Variants in KBTBD4 observed in about 807,000 individuals in gnomAD.
KBTBD4 encodes kelch repeat and BTB domain-containing protein 4.
KBTBD4 carries 30 observed loss-of-function variants against 43.9 expected under a neutral mutation model. The observed-to-expected ratio is 0.68, with a 90% CI of 0.51 to 0.93. The LOEUF (loss-of-function observed/expected upper bound fraction) is 0.93. Among genes scored for constraint, KBTBD4 ranks in the 40% least tolerant of loss-of-function variants. The probability of loss-of-function intolerance (pLI) is 0.00; values close to 1 mark genes in which losing one functional copy is unlikely to be tolerated. For missense variants in KBTBD4, 575 were observed against 668.8 expected, an observed-to-expected ratio of 0.86 and a Z score of 1.55; for synonymous variants, 258 against 256.9, an observed-to-expected ratio of 1.00 and a Z score of -0.04.
chr11:47,573,516 A>C lies in KBTBD4; in HGVS notation c.1019T>G (p.Val340Gly). The change falls in exon 4 of 4, where the codon GTG (valine) becomes GGG (glycine). Residue 340 changes from valine to glycine, a missense_variant. Val to Gly is a moderately radical substitution (Grantham distance 109). Transcript: ENST00000430070. The surrounding 1 kb of genome is among the most constrained non-coding windows in gnomAD (Gnocchi z 4.1). The stretch of plus-strand genomic sequence containing the variant: ...TATGGCATCTTTCCCGGGCACAGAC[A>C]CCAGGGTGTGCTGGAGCCGGTCCCG... ...LPRDRLQHTLVSVPGKDAIYS... is the reference protein window; with the variant it reads ...LPRDRLQHTLGSVPGKDAIYS... 6.2e-7 allele frequency: 1 copy of C among 1,614,176 alleles called. No individual in the cohort carries two copies. The highest frequency in any genetic ancestry group is 8.5e-7 in the Non-Finnish European group (1 of 1,180,036).
intron 1 of KBTBD4, 155 bp downstream of exon 1, chr11:47,578,777 AG>A (rs1295708932): frequency 2.3e-5 from 35 of 1,516,658 alleles, no homozygotes; most frequent in Middle Eastern, 4.5e-4. Flanking sequence ...AGAGCGGGGG[AG>A]GGGTGTGTAG....
intron 2 of KBTBD4, chr11:47,576,593 C>T (rs1056857464): frequency 1.3e-5 from 2 of 151,866 alleles, no homozygotes; most frequent in Admixed American, 1.3e-4. Flanking sequence ...GAGTATGTGC[C>T]TTGCTTTTTT....
At chr11:47,574,638 T>A (rs2097255803) in intron 3 of KBTBD4, among the ~76,000 whole-genome samples, 1 of 151,632 alleles carries the variant, frequency 6.6e-6, no homozygotes, top group African/African-American at 2.4e-5. Context: ...GTGGATCACC[T>A]GAGGTCAGGA....
At chr11:47,578,229 G>A in intron 1 of KBTBD4, 1 of 598,340 alleles carries the variant, frequency 1.7e-6, no homozygotes, top group East Asian at 2.8e-5. Flanking sequence ...GCGCCCCTCC[G>A]CTAATGATAT....
At chr11:47,575,506 CAAAAAA>C in intron 3 of KBTBD4, 81 bp downstream of exon 3, 1 of 686,406 alleles carries the variant, frequency 1.5e-6, no homozygotes, top group South Asian at 1.6e-5. Flanking sequence ...GACTCCATCT[CAAAAAA>C]AAAAAAAAAG....
Position 47,573,236 on chromosome 11 carries a change from C to A in KBTBD4, c.1299G>T (p.Leu433=). Residue 433 remains leucine, a synonymous_variant, in exon 4 of 4, where the codon CTG becomes CTT. Coordinates refer to ENST00000430070, the MANE Select transcript of KBTBD4 (RefSeq NM_018095.6). This position sits in a 1 kb window ranked among gnomAD's most constrained non-coding sequence, Gnocchi z 4.1. ...TDKCHVKPYV[L]PFAGRMHAAV... Reference sequence around the variant, plus strand: ...CTGCGTGCATGCGGCCTGCAAAGGGCAGCACATAGGGCTTCACATGGCATT... The same window carrying A: ...CTGCGTGCATGCGGCCTGCAAAGGGAAGCACATAGGGCTTCACATGGCATT... 6.2e-7 allele frequency: 1 copy of A among 1,614,138 alleles called. No homozygotes were observed. Among genetic ancestry groups the A allele is most frequent in the Non-Finnish European group, 8.5e-7 (1 of 1,180,040 alleles).
At chr11:47,578,405 T>C (rs932631689) in intron 1 of KBTBD4, 11 of 562,028 alleles carry the variant, frequency 2.0e-5, no homozygotes, top group Non-Finnish European at 3.4e-5. Flanking sequence ...GGCATAAAAC[T>C]AGTGAAGCTC....
At chr11:47,578,895 C>T (rs2097265639) in intron 1 of KBTBD4, 38 bp downstream of exon 1, 1 of 1,551,644 alleles carries the variant, frequency 6.4e-7, no homozygotes, top group Non-Finnish European at 8.7e-7. Flanking sequence ...ACCACGCTCA[C>T]CTCACGATTT....
Position 47,572,948 on chromosome 11 carries a change from C to G in KBTBD4, c.1587G>C (p.Leu529Phe). 6.2e-7 allele frequency: 1 copy of G among 1,613,698 alleles called. No individual in the cohort carries two copies. The highest frequency in any genetic ancestry group is 8.5e-7 in the Non-Finnish European group (1 of 1,179,698). Residue 529 changes from leucine to phenylalanine, a missense_variant, in exon 4 of 4, where the codon TTG (leucine) becomes TTC (phenylalanine). Coordinates refer to ENST00000430070, the MANE Select transcript of KBTBD4 (RefSeq NM_018095.6). Reference protein sequence around the residue: ...TRGIKVLLTNLQFVLA With the variant: ...TRGIKVLLTNFQFVLA ...CACAGCCTTAGGCCAACACAAACTGCAAATTGGTAAGCAGCACCTTAATAC... is the reference window on the plus strand; with the variant it reads ...CACAGCCTTAGGCCAACACAAACTGGAAATTGGTAAGCAGCACCTTAATAC...
rs752478027 is a variant in KBTBD4, at chr11:47,577,808, T to C, written c.240A>G (p.Ser80=). ...TGGATCGGAAGAAGCAGCTCTGAGC[T>C]GAGAGGACCAGCCGATGGAGCTGAA... ...REFQLHRLVL[S]AQSCFFRSMF... The change falls in exon 2 of 4, where the codon TCA becomes TCG. Residue 80 remains serine (S), a synonymous_variant. Coordinates refer to ENST00000430070, the MANE Select transcript of KBTBD4 (RefSeq NM_018095.6). 3.1e-6 allele frequency: 5 copies of C among 1,614,038 alleles called. No homozygotes were observed. Among genetic ancestry groups the C allele is most frequent in the Admixed American group, 1.7e-5 (1 of 59,996 alleles).
intron 1 of KBTBD4, 97 bp from the exon 2 acceptor site, chr11:47,578,125 A>G: frequency 2.8e-6 from 4 of 1,410,778 alleles, no homozygotes; most frequent in Non-Finnish European, 3.9e-6. Flanking sequence ...AAGAAGTGAG[A>G]GCAAAGTGGG....
chr11:47,578,827 C>A, intron 1 of KBTBD4, 106 bp downstream of exon 1: 1 of 1,545,360 alleles, frequency 6.5e-7, no homozygotes, highest in South Asian at 1.2e-5. Context: ...CCTCCTCTCA[C>A]CCGCCTGGTT....
intron 1 of KBTBD4, chr11:47,578,568 C>G: frequency 1.4e-6 from 1 of 702,228 alleles, no homozygotes; most frequent in Non-Finnish European, 2.6e-6. Flanking sequence ...CTGCTTCCCC[C>G]ACACTTCCCC....
rs767369866 is a variant in KBTBD4 at position 47,577,802 on chromosome 11, C to T, written c.246G>A (p.Gln82=). The stretch of plus-strand genomic sequence containing the variant: ...TGAACATGGATCGGAAGAAGCAGCT[C>T]TGAGCTGAGAGGACCAGCCGATGGA... The part of the protein sequence containing the change: ...FQLHRLVLSA[Q]SCFFRSMFTS... Residue 82 remains glutamine, a synonymous_variant, in exon 2 of 4, where the codon CAG becomes CAA. Coordinates refer to ENST00000430070, the MANE Select transcript of KBTBD4 (RefSeq NM_018095.6). 8.7e-6 allele frequency: 14 copies of T among 1,614,154 alleles called. No individual in the cohort carries two copies. The East Asian group carries it at 2.5e-4, about 28-fold the overall frequency.
Position 47,577,434 on chromosome 11 carries a change from C to T in KBTBD4, c.614G>A (p.Arg205His), listed in dbSNP as rs779866095. Residue 205 changes from arginine (R) to histidine (H), a missense_variant, in exon 2 of 4, where the codon CGC becomes CAC. Arg to His is a conservative substitution (Grantham distance 29). Coordinates refer to ENST00000430070, the MANE Select transcript of KBTBD4 (RefSeq NM_018095.6). ...NTEEFLHLPHRLLTDIISDGV... is the reference protein window; with the variant it reads ...NTEEFLHLPHHLLTDIISDGV... ...ACCCGAGATGATATCTGTGAGTAAG[C>T]GGTGGGGCAAGTGGAGAAATTCCTC... is the stretch of plus-strand genomic sequence containing the variant. 10 of 1,607,246 alleles carry T rather than the reference C, an allele frequency of 6.2e-6. No homozygotes were observed. In the East Asian group the frequency reaches 6.7e-5, roughly 11 times the overall value.
At position 47,577,441 on chromosome 11, in the gene KBTBD4, G is replaced by A. The variant is rs756313060; in HGVS notation, c.607C>T (p.Pro203Ser). Reference sequence around the variant, plus strand: ...ATGATATCTGTGAGTAAGCGGTGGGGCAAGTGGAGAAATTCCTCTGTATTC... The same window carrying A: ...ATGATATCTGTGAGTAAGCGGTGGGACAAGTGGAGAAATTCCTCTGTATTC... ...LQNTEEFLHL[P>S]HRLLTDIISD... Residue 203 changes from proline (P) to serine (S), a missense_variant, in exon 2 of 4, where the codon CCC (proline) becomes TCC (serine). By Grantham distance (74) the Pro-to-Ser change is moderately conservative. Transcript: ENST00000430070. 26 of 1,608,916 alleles carry A rather than the reference G, an allele frequency of 1.6e-5. No homozygotes were observed. The South Asian group carries it at 2.7e-4, about 17-fold the overall frequency.
chr11:47,578,348 C>T, intron 1 of KBTBD4: 1 of 570,940 alleles, frequency 1.8e-6, no homozygotes, highest in Non-Finnish European at 3.1e-6. Flanking sequence ...AAGCAAAGGG[C>T]TGGGAGAGGC....
chr11:47,577,379 CTG>C (rs776200865), intron 2 of KBTBD4, 30 bp downstream of exon 2: 36 of 1,549,646 alleles, frequency 2.3e-5, no homozygotes, highest in Non-Finnish European at 2.9e-5. Context: ...AGCCAAGTAA[CTG>C]GGTATGGTGT....
chr11:47,573,712 A>G lies in KBTBD4; in HGVS notation c.823T>C (p.Cys275Arg). The change falls in exon 4 of 4, where the codon TGT (cysteine) becomes CGT (arginine). Residue 275 changes from cysteine to arginine, a missense_variant. Physicochemically the swap from Cys to Arg is radical, Grantham distance 180. Coordinates refer to ENST00000430070, the MANE Select transcript of KBTBD4 (RefSeq NM_018095.6). This position sits in a 1 kb window ranked among gnomAD's most constrained non-coding sequence, Gnocchi z 4.1. ...RTHSLAVSLH[C>R]AEDDSISVSG... is the part of the protein sequence containing the mutation. ...ACACTGATGGAGTCATCTTCTGCACAGTGCAAGGACACAGCCAACGAGTGG... is the reference window on the plus strand; with the variant it reads ...ACACTGATGGAGTCATCTTCTGCACGGTGCAAGGACACAGCCAACGAGTGG... 1 of 1,607,020 alleles carries G rather than the reference A, an allele frequency of 6.2e-7. No homozygotes were observed. The highest frequency in any genetic ancestry group is 2.2e-5 in the East Asian group (1 of 44,870).
Sources: gnomAD v4.1 joint callset for allele counts (sites outside exome capture counted in the v4.1 genomes callset) on GRCh38, gnomAD v4.1.1 for gene constraint, Gnocchi (gnomAD v3.1) non-coding constraint, MANE v1.5 for transcripts, NCBI Gene and HGNC (gene_info 2026-07-23, HGNC 2026-07-21) for gene names.